TUT7: variants seen among roughly 807,000 people sequenced by gnomAD.
TUT7 encodes the protein terminal uridylyltransferase 7.
Under a neutral mutation model 165.9 loss-of-function variants are expected in TUT7, and 33 were observed. The ratio of observed to expected loss-of-function variants is 0.20; its 90% CI spans 0.15 to 0.27. The LOEUF (loss-of-function observed/expected upper bound fraction) is 0.27. Ranked by LOEUF, TUT7 falls within the 10% of genes least tolerant of loss-of-function variation. The pLI, the probability that TUT7 is intolerant of heterozygous loss-of-function variation, is 1.00. For missense variants in TUT7, 1,338 were observed against 1,762.3 expected (o/e 0.76, Z 4.31); for synonymous variants, 552 against 608.1 (o/e 0.91, Z 1.36).
At chr9:86,299,215 GT>G (rs1409505890) in intron 26 of TUT7, among the ~76,000 whole-genome samples, 1 of 152,160 alleles carries the variant, frequency 6.6e-6, no homozygotes, top group Non-Finnish European at 1.5e-5. Flanking sequence ...AAATAAACCA[GT>G]TGGTTTCAAT....
chr9:86,339,940 C>T, intron 8 of TUT7, 96 bp downstream of exon 8: 1 of 952,248 alleles, frequency 1.1e-6, no homozygotes, highest in East Asian at 2.4e-5. Flanking sequence ...AAATAAAAAG[C>T]TTATAATTCT....
At chr9:86,346,913 C>T (rs73488874) in intron 2 of TUT7, among the ~76,000 whole-genome samples, 2,924 of 152,146 alleles carry the variant, frequency 0.019, 110 homozygotes, top group African/African-American at 0.068. Flanking sequence ...TAAAACCAGC[C>T]ACATTTGCTT....
Position 86,301,221 on chromosome 9 carries a change from G to A in TUT7, c.4420+55C>T. 3.4e-6 allele frequency: 5 copies of A among 1,455,034 alleles called. 1 individual carries two copies. Among genetic ancestry groups the A allele is most frequent in the Non-Finnish European group, 4.7e-6 (5 of 1,068,188 alleles). The allele number at this position is 1,455,034 out of a possible 1,614,324, so 90.1% of individuals were successfully genotyped here. A position where few individuals can be genotyped will look rare whatever the true frequency, so the allele number is the denominator to read the frequency against. ...CTAAAATAGTAAAGAGCTCTAAAAA[G>A]CAGATTTCCCTTGAGATGTTAGAGC... On this transcript the variant is annotated intron_variant, in intron 26 of 26. Transcript: ENST00000375963.
intron 17 of TUT7, among the ~76,000 whole-genome samples, chr9:86,313,113 C>T (rs937075864): frequency 7.0e-6 from 1 of 142,180 alleles, no homozygotes; most frequent in Non-Finnish European, 1.5e-5. Context: ...GAGAAACACC[C>T]AAGAATGATC....
At chr9:86,319,181 T>C in intron 15 of TUT7, 123 bp from the exon 16 acceptor site, 1 of 629,598 alleles carries the variant, frequency 1.6e-6, no homozygotes, top group Admixed American at 3.3e-5. Context: ...ATCTCATACT[T>C]ATGTTCTCTG....
intron 17 of TUT7, among the ~76,000 whole-genome samples, chr9:86,316,179 T>C (rs1288191005): frequency 6.6e-6 from 1 of 152,224 alleles, no homozygotes; most frequent in South Asian, 2.1e-4. Flanking sequence ...ATGGTATCCA[T>C]AGCTGCCATG....
chr9:86,293,089 C>G (rs556147894), intron 26 of TUT7, among the ~76,000 whole-genome samples: 1 of 152,170 alleles, frequency 6.6e-6, no homozygotes, highest in East Asian at 1.9e-4. Context: ...AGAAACCATG[C>G]AAAAGTTGGC....
intron 26 of TUT7, among the ~76,000 whole-genome samples, chr9:86,289,561 G>C (rs928712306): frequency 2.0e-5 from 3 of 152,096 alleles, no homozygotes; most frequent in Non-Finnish European, 2.9e-5. Flanking sequence ...GCGTAAGAAA[G>C]AGTGAGTAAT....
At chr9:86,348,065 G>T (rs1263819904) in intron 2 of TUT7, among the ~76,000 whole-genome samples, 1 of 152,070 alleles carries the variant, frequency 6.6e-6, no homozygotes, top group African/African-American at 2.4e-5. Context: ...GCCCCTATTA[G>T]TTCACAAGCC....
In TUT7 at chr9:86,352,733, T is replaced by C. The variant is rs777061932; in HGVS notation, c.467A>G (p.His156Arg). ...GGTTTCTAGGCTTGTTAGGTCTTTA[T>C]GAAACAGTCGTCTTACAGTTCTGCA... Reference protein sequence around the residue: ...RGCRTVRRLFHKDLTSLETTS... With the variant: ...RGCRTVRRLFRKDLTSLETTS... Residue 156 changes from histidine to arginine, a missense_variant, in exon 2 of 27, where the codon CAT becomes CGT. His to Arg is a conservative substitution (Grantham distance 29). Around this residue, in one of 7 missense-constraint regions of TUT7, gnomAD observed 434 missense variants for 480.8 expected, o/e 0.90. Transcript: ENST00000375963. The C allele has an allele frequency of 1.3e-5, 21 of 1,614,142 alleles. No homozygotes were observed. The highest frequency in any genetic ancestry group is 1.5e-5 in the Non-Finnish European group (18 of 1,180,048).
chr9:86,310,903 T>C (rs986990458), intron 17 of TUT7, 94 bp from the exon 18 acceptor site: 3 of 720,846 alleles, frequency 4.2e-6, no homozygotes, highest in African/African-American at 1.8e-5. Context: ...GGTGTAAACC[T>C]AACTTTGGCC....
At chr9:86,321,190 T>TAAAAAAAAAAAAAAAAAAAA (rs758749770) in intron 14 of TUT7, among the ~76,000 whole-genome samples, 1 of 121,296 alleles carries the variant, frequency 8.2e-6, no homozygotes. Flanking sequence ...CCATCTCTAC[T>TAAAAAAAAAAAAAAAAAAAA]AAAAAAAAAA....
intron 26 of TUT7, among the ~76,000 whole-genome samples, chr9:86,294,330 G>A (rs931149617): frequency 6.7e-6 from 1 of 149,312 alleles, no homozygotes; most frequent in East Asian, 2.0e-4. Flanking sequence ...AAATGCTGGT[G>A]TCTGTGGTGA....
intron 2 of TUT7, among the ~76,000 whole-genome samples, chr9:86,347,566 A>G (rs1195316838): frequency 6.6e-6 from 1 of 152,218 alleles, no homozygotes; most frequent in Non-Finnish European, 1.5e-5. Context: ...AATTTTATAA[A>G]AAGCTTGCTG....
rs1362500177 is a variant in TUT7, at chr9:86,301,453, G to A, written c.4243C>T (p.Pro1415Ser). 1.2e-6 allele frequency: 2 copies of A among 1,613,984 alleles called. No homozygotes were observed. Among genetic ancestry groups the A allele is most frequent in the African/African-American group, 2.7e-5 (2 of 74,876 alleles). The change falls in exon 26 of 27, where the codon CCT (proline) becomes TCT (serine). Residue 1415 changes from proline (P) to serine (S), a missense_variant. Around this residue, in one of 7 missense-constraint regions of TUT7, gnomAD observed 167 missense variants for 204.9 expected, o/e 0.82. Coordinates refer to ENST00000375963, the MANE Select transcript of TUT7 (RefSeq NM_024617.4). ...TKEDKPIQCT[P>S]QKAKPMRAAA... ...GCCCGCATTGGCTTGGCTTTCTGAG[G>A]TGTGCACTGTATGGGCTTATCTTCT...
chr9:86,290,969 C>T (rs1412331839), intron 26 of TUT7, among the ~76,000 whole-genome samples: 1 of 152,084 alleles, frequency 6.6e-6, no homozygotes, highest in Non-Finnish European at 1.5e-5. Context: ...GAAGAAAATA[C>T]AGATGGATAT....
intron 9 of TUT7, among the ~76,000 whole-genome samples, chr9:86,338,210 CTT>C (rs1156700714): frequency 8.1e-5 from 11 of 135,376 alleles, no homozygotes; most frequent in Admixed American, 2.3e-4. Flanking sequence ...CATGGAATCT[CTT>C]TTTTTTTTTT....
intron 26 of TUT7, among the ~76,000 whole-genome samples, chr9:86,300,857 G>A (rs1826822790): frequency 6.6e-6 from 1 of 152,234 alleles, no homozygotes; most frequent in South Asian, 2.1e-4. Flanking sequence ...GCATGTGCCT[G>A]TGTGTGGCTC....
chr9:86,351,522 C>T (rs1832301954), intron 2 of TUT7, among the ~76,000 whole-genome samples: 1 of 152,180 alleles, frequency 6.6e-6, no homozygotes, highest in South Asian at 2.1e-4. Context: ...CACATTTCCC[C>T]CCATTTAATA....
Sources: gnomAD v4.1 joint callset for allele counts (sites outside exome capture counted in the v4.1 genomes callset) on GRCh38, gnomAD v4.1.1 for gene constraint, gnomAD v4.1.1 regional missense constraint, MANE v1.5 for transcripts, NCBI Gene and HGNC (gene_info 2026-07-23, HGNC 2026-07-21) for gene names.